Variants in PCDHA2 observed in about 807,000 individuals in gnomAD.
PCDHA2 encodes protocadherin alpha-2.
Under a neutral mutation model 66.0 loss-of-function variants are expected in PCDHA2, and 58 were observed. The ratio of observed to expected loss-of-function variants is 0.88; its 90% CI spans 0.71 to 1.09. The LOEUF (loss-of-function observed/expected upper bound fraction) is 1.09, where lower values mean the gene tolerates loss of function less well. Ranked by LOEUF, PCDHA2 falls within the 50% of genes least tolerant of loss-of-function variation. The pLI is 0.00. For missense variants in PCDHA2, 1,267 were observed against 1,242.3 expected (o/e 1.02, Z -0.30); for synonymous variants, 634 against 554.0 (o/e 1.14, Z -2.03).
Position 140,828,034 on chromosome 5 carries a change from A to G in PCDHA2, c.2388+30682A>G, listed in dbSNP as rs1202168939. Reference sequence around the variant, plus strand: ...TGGATTAATAAATTCCGGAACATACAGTATTTTATCTTTATGCGGAAGATC... The same window carrying G: ...TGGATTAATAAATTCCGGAACATACGGTATTTTATCTTTATGCGGAAGATC... On this transcript the variant is annotated intron_variant, in intron 1 of 3. Transcript: ENST00000526136. The G allele has an allele frequency of 8.5e-6, 13 of 1,527,214 alleles. No individual in the cohort carries two copies. In the South Asian group the frequency reaches 9.2e-5, roughly 11 times the overall value. 94.6% of individuals were successfully genotyped at this position (1,527,214 alleles called of 1,614,324 possible). A position where few individuals can be genotyped will look rare whatever the true frequency, so the allele number is the denominator to read the frequency against.
intron 1 of PCDHA2, among the ~76,000 whole-genome samples, chr5:140,938,727 GA>G (rs2092176789): frequency 6.6e-6 from 1 of 151,904 alleles, no homozygotes; most frequent in Admixed American, 6.6e-5. Flanking sequence ...CGTTTCTACA[GA>G]AAAAAATAAT....
chr5:140,937,812 T>A (rs930837901), intron 1 of PCDHA2, among the ~76,000 whole-genome samples: 3 of 150,742 alleles, frequency 2.0e-5, no homozygotes, highest in Non-Finnish European at 4.4e-5. Flanking sequence ...CTCGGGAAGC[T>A]GAGGCAGGAG....
intron 1 of PCDHA2, among the ~76,000 whole-genome samples, chr5:140,896,222 A>G (rs1554186870): frequency 6.6e-6 from 1 of 152,222 alleles, no homozygotes; most frequent in Non-Finnish European, 1.5e-5. Context: ...ATGTGTCTTT[A>G]TAGTAGAATG....
chr5:140,850,106 G>A lies in PCDHA2; in HGVS notation c.2388+52754G>A, dbSNP rs2150467412. 3.5e-5 allele frequency: 56 copies of A among 1,596,106 alleles called. 1 individual carries two copies. Among genetic ancestry groups the A allele is most frequent in the African/African-American group, 4.0e-5 (3 of 74,354 alleles). ...AGCTGCTACAGTTCCAGGTGAGCGC[G>A]CGCGACGCGGGCGTGCCGCCTCTGG... is the stretch of plus-strand genomic sequence containing the variant. On this transcript the variant is annotated intron_variant, in intron 1 of 3. Transcript: ENST00000526136.
chr5:140,929,471 G>C, intron 1 of PCDHA2: 1 of 1,293,428 alleles, frequency 7.7e-7, no homozygotes, highest in Non-Finnish European at 1.0e-6. Context: ...CAAGAAATCT[G>C]GAAGTATAGA....
intron 1 of PCDHA2, chr5:140,862,930 C>T (rs1581662470): frequency 1.8e-6 from 1 of 542,144 alleles, no homozygotes; most frequent in East Asian, 4.9e-5. Flanking sequence ...GGGCTGGCGG[C>T]GCTGTGAGTG....
At chr5:140,898,054 A>G (rs1401215235) in intron 1 of PCDHA2, among the ~76,000 whole-genome samples, 2 of 151,638 alleles carry the variant, frequency 1.3e-5, no homozygotes, top group African/African-American at 4.8e-5. Flanking sequence ...TTTTCTTGTA[A>G]ATTTGTTTGA....
chr5:140,857,222 G>A (rs373834853), intron 1 of PCDHA2: 1 of 1,598,456 alleles, frequency 6.3e-7, no homozygotes, highest in Non-Finnish European at 8.6e-7. Flanking sequence ...GACGCCTCAC[G>A]TTCCGTTCAA....
At position 140,843,574 on chromosome 5, in the gene PCDHA2, G is replaced by A. The variant is rs2150362915; in HGVS notation, c.2388+46222G>A. 1.8e-5 allele frequency: 28 copies of A among 1,595,908 alleles called. 3 individuals are homozygous for A. The highest frequency in any genetic ancestry group is 1.7e-4 in the Middle Eastern group (1 of 5,996). On this transcript the variant is annotated intron_variant, in intron 1 of 3. Coordinates refer to ENST00000526136, the MANE Select transcript of PCDHA2 (RefSeq NM_018905.3). ...GTGCGGTGGGGAGCTGGTCATACTCGCAACAACAGCCGCAGAGGGTGTGCT... is the reference window on the plus strand; with the variant it reads ...GTGCGGTGGGGAGCTGGTCATACTCACAACAACAGCCGCAGAGGGTGTGCT...
intron 1 of PCDHA2, chr5:140,856,833 G>T (rs1554149194): frequency 1.9e-6 from 3 of 1,591,548 alleles, no homozygotes; most frequent in Admixed American, 1.7e-5. Flanking sequence ...TTAGTAATAC[G>T]GCTCAACGCT....
intron 1 of PCDHA2, chr5:140,841,424 G>A: frequency 6.2e-7 from 1 of 1,612,920 alleles, no homozygotes; most frequent in Non-Finnish European, 8.5e-7. Context: ...CCACTACTCC[G>A]TCCCCGAGGA....
At chr5:140,969,702 C>A (rs1305755991) in intron 1 of PCDHA2, among the ~76,000 whole-genome samples, 1 of 152,144 alleles carries the variant, frequency 6.6e-6, no homozygotes, top group African/African-American at 2.4e-5. Context: ...TCTGCTGTAT[C>A]ATCTACAGGG....
At chr5:140,875,931 T>C in intron 1 of PCDHA2, 1 of 1,614,176 alleles carries the variant, frequency 6.2e-7, no homozygotes, top group South Asian at 1.1e-5. Flanking sequence ...CTCATTTTCC[T>C]CTAGAGGGCG....
At chr5:140,895,351 T>C (rs1367078085) in intron 1 of PCDHA2, among the ~76,000 whole-genome samples, 2 of 152,180 alleles carry the variant, frequency 1.3e-5, no homozygotes, top group Admixed American at 1.3e-4. Context: ...TGCTTTCCAG[T>C]GAGTACTTAT....
At chr5:140,989,996 A>G (rs1554251207) in intron 3 of PCDHA2, among the ~76,000 whole-genome samples, 1 of 152,144 alleles carries the variant, frequency 6.6e-6, no homozygotes, top group Non-Finnish European at 1.5e-5. Context: ...GAAATTGTCT[A>G]TCTCCAAGGG....
rs1762111531 is a variant in PCDHA2, at chr5:140,796,620, G to A, written c.1656G>A (p.Gln552=). The change falls in exon 1 of 4, where the codon CAG becomes CAA. Residue 552 remains glutamine, a synonymous_variant. Coordinates refer to ENST00000526136, the MANE Select transcript of PCDHA2 (RefSeq NM_018905.3). ...CTCTGGGCAGCAACGTGACGCTGCA[G>A]GTGTTCGTGCTGGACGAGAACGACA... ...VPPLGSNVTL[Q]VFVLDENDNA... The A allele has an allele frequency of 4.3e-6, 7 of 1,612,388 alleles. No individual in the cohort carries two copies. The highest frequency in any genetic ancestry group is 5.1e-6 in the Non-Finnish European group (6 of 1,179,478).
chr5:140,802,916 C>T (rs1554122439), intron 1 of PCDHA2: 2 of 1,613,732 alleles, frequency 1.2e-6, no homozygotes, highest in Admixed American at 1.7e-5. Context: ...TGGGTGGCAT[C>T]GGTGGCGCAG....
At chr5:140,899,714 T>C (rs1554188719) in intron 1 of PCDHA2, among the ~76,000 whole-genome samples, 1 of 152,242 alleles carries the variant, frequency 6.6e-6, no homozygotes, top group African/African-American at 2.4e-5. Context: ...TAGGGAGGAT[T>C]CCCTCTTTTT....
intron 1 of PCDHA2, chr5:140,883,326 C>T (rs374138267): frequency 3.1e-6 from 5 of 1,614,044 alleles, no homozygotes; most frequent in Admixed American, 1.7e-5. Flanking sequence ...GTTACCATCA[C>T]TTCTTTGTCA....
Sources: gnomAD v4.1 joint callset for allele counts (sites outside exome capture counted in the v4.1 genomes callset) on GRCh38, gnomAD v4.1.1 for gene constraint, MANE v1.5 for transcripts, NCBI Gene and HGNC (gene_info 2026-07-23, HGNC 2026-07-21) for gene names.